Variants in DENND1B observed in about 807,000 individuals in gnomAD.
The protein encoded by DENND1B is DENN domain containing 1B.
Under a neutral mutation model 90.1 loss-of-function variants are expected in DENND1B, and 59 were observed. The ratio of observed to expected loss-of-function variants is 0.65; its 90% CI spans 0.53 to 0.81. The LOEUF (loss-of-function observed/expected upper bound fraction) is 0.81. DENND1B is among the 40% of genes least tolerant of loss of function. The probability of loss-of-function intolerance (pLI) is 0.00; values close to 1 mark genes in which losing one functional copy is unlikely to be tolerated. For synonymous variants in DENND1B, 337 were observed against 324.6 expected (o/e 1.04, Z -0.41); for missense variants, 862 against 912.6 (o/e 0.94, Z 0.71).
chr1:197,689,688 C>T (rs998678953), intron 3 of DENND1B: 3 of 155,948 alleles, frequency 1.9e-5, no homozygotes, highest in African/African-American at 4.8e-5. Flanking sequence ...AGAAAACTGG[C>T]TACGGACCTG....
intron 20 of DENND1B, among the ~76,000 whole-genome samples, chr1:197,530,117 T>G (rs1474875063): frequency 6.6e-6 from 1 of 152,196 alleles, no homozygotes; most frequent in Admixed American, 6.5e-5. Flanking sequence ...GCACACAAAT[T>G]ACTATTTGTT....
intron 16 of DENND1B, among the ~76,000 whole-genome samples, chr1:197,547,838 A>C (rs972144097): frequency 2.9e-4 from 42 of 145,766 alleles, no homozygotes; most frequent in African/African-American, 8.3e-4. Flanking sequence ...AACAAAAAAA[A>C]CCCTGCAGAT....
intron 2 of DENND1B, among the ~76,000 whole-genome samples, chr1:197,749,791 TCTTA>T (rs1164735638): frequency 3.3e-5 from 5 of 152,182 alleles, no homozygotes; most frequent in Non-Finnish European, 5.9e-5. Context: ...ATGGGGATTC[TCTTA>T]CTTAATAATT....
At chr1:197,621,715 C>T (rs191707761) in intron 10 of DENND1B, among the ~76,000 whole-genome samples, 28 of 151,202 alleles carry the variant, frequency 1.9e-4, no homozygotes, top group African/African-American at 6.8e-4. Context: ...ACAATTGTTC[C>T]TCACGAAAGC....
At chr1:197,682,189 T>G (rs1656759867) in intron 3 of DENND1B, among the ~76,000 whole-genome samples, 1 of 152,046 alleles carries the variant, frequency 6.6e-6, no homozygotes, top group Non-Finnish European at 1.5e-5. Context: ...TCTTATATTC[T>G]GGCGTCAGTG....
At chr1:197,521,131 G>A (rs1291649263) in intron 20 of DENND1B, among the ~76,000 whole-genome samples, 2 of 151,894 alleles carry the variant, frequency 1.3e-5, no homozygotes, top group African/African-American at 4.8e-5. Flanking sequence ...ATGTGACAGA[G>A]GTAGAAGGAC....
At position 197,581,546 on chromosome 1, in the gene DENND1B, A is replaced by T. The variant is rs7554788; in HGVS notation, c.1149+1606T>A. 5.9e-3 allele frequency among the ~76,000 whole-genome samples: 899 copies of T among 152,292 alleles called. 13 individuals carry two copies. The highest frequency in any genetic ancestry group is 0.02 in the African/African-American group (841 of 41,572). On this transcript the variant is annotated intron_variant, in intron 15 of 22. Coordinates refer to ENST00000620048, the MANE Select transcript of DENND1B (RefSeq NM_001195215.2). ...ATGTGTTAATTCACATAAACCTTAT[A>T]ATAATCCTGTGAGGTAGGTGGTAAT...
intron 20 of DENND1B, among the ~76,000 whole-genome samples, chr1:197,523,861 A>G (rs911610548): frequency 7.9e-5 from 12 of 152,146 alleles, no homozygotes; most frequent in African/African-American, 2.9e-4. Context: ...CCATTGTTCA[A>G]TTAAGAATTA....
intron 2 of DENND1B, among the ~76,000 whole-genome samples, chr1:197,758,672 G>T (rs1370190658): frequency 2.6e-5 from 4 of 152,122 alleles, no homozygotes; most frequent in Non-Finnish European, 5.9e-5. Context: ...ATTCCACCAT[G>T]ATGTCTATCA....
chr1:197,523,876 A>G (rs1267857470), intron 20 of DENND1B, among the ~76,000 whole-genome samples: 4 of 152,158 alleles, frequency 2.6e-5, no homozygotes, highest in African/African-American at 9.6e-5. Context: ...GAATTATAAG[A>G]CATGAAAAAG....
chr1:197,616,576 TA>T (rs1417480397), intron 11 of DENND1B, among the ~76,000 whole-genome samples: 2 of 151,104 alleles, frequency 1.3e-5, no homozygotes, highest in Non-Finnish European at 3.0e-5. Flanking sequence ...TATATTAACG[TA>T]ATCAATATGT....
chr1:197,735,146 C>A (rs1041190366), intron 2 of DENND1B: 5 of 977,098 alleles, frequency 5.1e-6, no homozygotes, highest in Non-Finnish European at 6.1e-6. Context: ...ATGAATAATA[C>A]AAAAGTTAAC....
In DENND1B at chr1:197,618,094, G is replaced by T. The variant is rs138498537; in HGVS notation, c.673-335C>A. Among the ~76,000 whole-genome samples, 517 of 151,258 alleles carry T rather than the reference G, an allele frequency of 3.4e-3. 1 individual carries two copies. Among genetic ancestry groups the T allele is most frequent in the African/African-American group, 8.3e-3 (344 of 41,398 alleles). On this transcript the variant is annotated intron_variant, in intron 10 of 22. Transcript: ENST00000620048. ...GAAAAATTGTAGGAAATTACAATTT[G>T]TACAGCATAGTTTGTGTATCACTCA...
intron 2 of DENND1B, chr1:197,747,439 G>T: frequency 2.6e-6 from 1 of 378,814 alleles, no homozygotes; most frequent in Non-Finnish European, 5.0e-6. Flanking sequence ...GGAGGTAGCA[G>T]CCCACTCCAC....
intron 15 of DENND1B, among the ~76,000 whole-genome samples, chr1:197,556,041 A>G (rs776871448): frequency 2.0e-5 from 3 of 152,134 alleles, no homozygotes; most frequent in Non-Finnish European, 2.9e-5. Flanking sequence ...GAATGAAATC[A>G]TGTCATTTGC....
intron 18 of DENND1B, chr1:197,545,564 C>CTT (rs71286566): frequency 1.2e-3 from 228 of 184,674 alleles, no homozygotes; most frequent in Middle Eastern, 2.3e-3. Context: ...CTATATTTTT[C>CTT]TTTTTTTTTT....
chr1:197,768,683 TA>T (rs573104280), intron 2 of DENND1B, among the ~76,000 whole-genome samples: 87 of 145,786 alleles, frequency 6.0e-4, no homozygotes, highest in Middle Eastern at 3.5e-3. Flanking sequence ...AAACCTCCAT[TA>T]AAAAAAAAAA....
intron 21 of DENND1B, 81 bp downstream of exon 21, chr1:197,512,790 C>A: frequency 7.7e-7 from 1 of 1,305,428 alleles, no homozygotes. Flanking sequence ...AGAGTGCATA[C>A]TCTTTGAAAT....
chr1:197,630,923 G>C (rs113162509), intron 10 of DENND1B, among the ~76,000 whole-genome samples: 1,616 of 152,144 alleles, frequency 0.011, 36 homozygotes, highest in African/African-American at 0.037. Flanking sequence ...CACCATTACT[G>C]CTGTACTCAC....
Sources: gnomAD v4.1 joint callset for allele counts (sites outside exome capture counted in the v4.1 genomes callset) on GRCh38, gnomAD v4.1.1 for gene constraint, MANE v1.5 for transcripts, NCBI Gene and HGNC (gene_info 2026-07-23, HGNC 2026-07-21) for gene names.